Variants in XRCC6 observed in about 807,000 individuals in gnomAD.
XRCC6 encodes the protein X-ray repair cross complementing 6, also known as DNA repair protein Ku70.
Under a neutral mutation model 65.7 loss-of-function variants are expected in XRCC6, and 5 were observed. The observed-to-expected ratio is 0.08, with a 90% CI of 0.04 to 0.16. XRCC6 has a LOEUF of 0.16. Among genes scored for constraint, XRCC6 ranks in the 10% least tolerant of loss-of-function variants. XRCC6 has a pLI of 1.00. For missense variants in XRCC6, 447 were observed against 738.1 expected (o/e 0.61, Z 4.57); for synonymous variants, 270 against 270.6 (o/e 1.00, Z 0.02).
chr22:41,634,706 A>G (rs899920204), intron 3 of XRCC6, among the ~76,000 whole-genome samples: 9 of 151,924 alleles, frequency 5.9e-5, no homozygotes, highest in Non-Finnish European at 1.2e-4. Flanking sequence ...TACCACATCC[A>G]ACTAATTTTT....
At chr22:41,624,438 G>A (rs952703252) in intron 2 of XRCC6, among the ~76,000 whole-genome samples, 63 of 151,482 alleles carry the variant, frequency 4.2e-4, no homozygotes, top group African/African-American at 1.5e-3. Context: ...TATAATCCCA[G>A]TACTTTGGGA....
At chr22:41,622,134 C>A in intron 2 of XRCC6, 48 bp downstream of exon 2, 5 of 1,588,162 alleles carry the variant, frequency 3.1e-6, no homozygotes, top group Non-Finnish European at 2.6e-6. Flanking sequence ...GAAGAAAGAC[C>A]TTCCCTGCCT....
At chr22:41,630,261 C>T (rs576945575) in intron 3 of XRCC6, among the ~76,000 whole-genome samples, 3 of 151,566 alleles carry the variant, frequency 2.0e-5, no homozygotes, top group South Asian at 2.1e-4. Context: ...GGATTGCAGG[C>T]GTGAGCCATG....
At chr22:41,634,246 C>A (rs2067786204) in intron 3 of XRCC6, among the ~76,000 whole-genome samples, 1 of 151,062 alleles carries the variant, frequency 6.6e-6, no homozygotes, top group Non-Finnish European at 1.5e-5. Context: ...AGTGCAGTGG[C>A]ATGATCTCTG....
intron 5 of XRCC6, 126 bp from the exon 6 acceptor site, chr22:41,637,482 C>T: frequency 1.2e-6 from 1 of 863,066 alleles, no homozygotes; most frequent in Non-Finnish European, 1.7e-6. Context: ...TTTTCTAAGT[C>T]CTGAAAATGT....
intron 3 of XRCC6, among the ~76,000 whole-genome samples, chr22:41,628,528 A>G (rs1238977198): frequency 6.6e-6 from 1 of 152,150 alleles, no homozygotes; most frequent in Non-Finnish European, 1.5e-5. Context: ...TCTTGCAGAG[A>G]TGGAAGTATA....
chr22:41,633,465 C>G (rs1397053484), intron 3 of XRCC6, among the ~76,000 whole-genome samples: 1 of 151,998 alleles, frequency 6.6e-6, no homozygotes, highest in South Asian at 2.1e-4. Flanking sequence ...CAAGCTCTGC[C>G]TCCTGGGTTC....
chr22:41,660,287 T>C, intron 11 of XRCC6, among the ~76,000 whole-genome samples: 1 of 152,226 alleles, frequency 6.6e-6, no homozygotes, highest in East Asian at 1.9e-4. Flanking sequence ...TCCTCCAAAG[T>C]TGCCTTTTCC....
chr22:41,663,931 G>C lies in XRCC6; in HGVS notation c.*116G>C. On this transcript the variant is annotated 3_prime_UTR_variant, in exon 13 of 13. Coordinates refer to ENST00000360079, the MANE Select transcript of XRCC6 (RefSeq NM_001469.5). Reference sequence around the variant, plus strand: ...AGGAAGAGTCTACCCGACATAAGTCGAGGGACTTTATGTTTTTGAGGCTTT... The same window carrying C: ...AGGAAGAGTCTACCCGACATAAGTCCAGGGACTTTATGTTTTTGAGGCTTT... 2 of 1,149,520 alleles carry C rather than the reference G, an allele frequency of 1.7e-6. No homozygotes were observed. Among genetic ancestry groups the C allele is most frequent in the Non-Finnish European group, 2.4e-6 (2 of 820,278 alleles). The allele number at this position is 1,149,520 out of a possible 1,614,324, so 71.2% of individuals were successfully genotyped here.
At chr22:41,626,871 A>G (rs1196704196) in intron 2 of XRCC6, among the ~76,000 whole-genome samples, 2 of 149,730 alleles carry the variant, frequency 1.3e-5, no homozygotes, top group Admixed American at 6.6e-5. Flanking sequence ...CGACCTCCTG[A>G]CCTCGTGATC....
intron 6 of XRCC6, among the ~76,000 whole-genome samples, chr22:41,639,758 G>C (rs2067855040): frequency 6.9e-6 from 1 of 144,422 alleles, no homozygotes; most frequent in Non-Finnish European, 1.5e-5. Flanking sequence ...CGCCTCCCGG[G>C]TTCATGCCAT....
At chr22:41,658,920 A>T (rs1196491427) in intron 11 of XRCC6, among the ~76,000 whole-genome samples, 1 of 152,220 alleles carries the variant, frequency 6.6e-6, no homozygotes, top group Non-Finnish European at 1.5e-5. Context: ...ACAGAGCGAG[A>T]CGCTGTCTCA....
At chr22:41,644,612 A>G (rs2067912546) in intron 6 of XRCC6, among the ~76,000 whole-genome samples, 1 of 152,012 alleles carries the variant, frequency 6.6e-6, no homozygotes, top group Admixed American at 6.6e-5. Flanking sequence ...CAGCCTCCAT[A>G]GTAACTGGGA....
At chr22:41,639,860 G>A (rs936517723) in intron 6 of XRCC6, among the ~76,000 whole-genome samples, 41 of 150,272 alleles carry the variant, frequency 2.7e-4, no homozygotes, top group African/African-American at 7.6e-4. Flanking sequence ...CGGTTTCACC[G>A]TGTTAGCCAG....
At chr22:41,635,383 ACT>A (rs1351719098) in intron 3 of XRCC6, among the ~76,000 whole-genome samples, 1 of 152,064 alleles carries the variant, frequency 6.6e-6, no homozygotes, top group African/African-American at 2.4e-5. Flanking sequence ...GTGTATATAA[ACT>A]CTGTTTCCTG....
intron 2 of XRCC6, among the ~76,000 whole-genome samples, chr22:41,624,452 C>T (rs763992313): frequency 1.3e-5 from 2 of 151,078 alleles, no homozygotes; most frequent in South Asian, 2.1e-4. Context: ...TTTGGGAGGC[C>T]GAGGCAGGTG....
chr22:41,647,097 C>T lies in XRCC6; in HGVS notation c.960+15C>T, dbSNP rs754715678. 19 of 1,611,058 alleles carry T rather than the reference C, an allele frequency of 1.2e-5. No individual in the cohort carries two copies. In the South Asian group the frequency reaches 1.8e-4, roughly 15 times the overall value. On this transcript the variant is annotated intron_variant, in intron 7 of 12. Transcript: ENST00000360079. ...AGAGGTCTCAGGTAGGTAGAGATGCCTTTTGTTGTTGTTGTTTTTGAGACA... is the reference window on the plus strand; with the variant it reads ...AGAGGTCTCAGGTAGGTAGAGATGCTTTTTGTTGTTGTTGTTTTTGAGACA...
intron 8 of XRCC6, among the ~76,000 whole-genome samples, chr22:41,652,818 C>T (rs1037729665): frequency 6.6e-6 from 1 of 152,080 alleles, no homozygotes; most frequent in South Asian, 2.1e-4. Context: ...GGACTACAGG[C>T]GTGCACTACC....
intron 1 of XRCC6, 131 bp from the exon 2 acceptor site, chr22:41,621,859 A>T: frequency 1.2e-6 from 1 of 805,782 alleles, no homozygotes; most frequent in Non-Finnish European, 2.0e-6. Flanking sequence ...CGAGCTTTCG[A>T]GGCAGCAGGA....
Sources: allele counts gnomAD v4.1 joint callset (sites outside exome capture counted in the v4.1 genomes callset), GRCh38; gene constraint gnomAD v4.1.1; transcripts MANE v1.5; gene names NCBI Gene and HGNC (gene_info 2026-07-23, HGNC 2026-07-21).